Variants in AKAP13 observed in about 807,000 individuals in gnomAD.
The protein encoded by AKAP13 is A-kinase anchor protein 13.
Under a neutral mutation model 264.5 loss-of-function variants are expected in AKAP13, and 80 were observed. The ratio of observed to expected loss-of-function variants is 0.30; its 90% CI spans 0.25 to 0.36. AKAP13 has a LOEUF of 0.36. Among genes scored for constraint, AKAP13 ranks in the 10% least tolerant of loss-of-function variants. The pLI is 1.00. For missense variants in AKAP13, 3,712 were observed against 3,435.2 expected, an observed-to-expected ratio of 1.08 and a Z score of -2.01; for synonymous variants, 1,380 against 1,250.2, an observed-to-expected ratio of 1.10 and a Z score of -2.19.
At chr15:85,429,752 G>A (rs891703945) in intron 1 of AKAP13, among the ~76,000 whole-genome samples, 11 of 152,196 alleles carry the variant, frequency 7.2e-5, no homozygotes, top group Admixed American at 2.6e-4. Context: ...ATATCCTGGC[G>A]AGATTTTAAT....
At chr15:85,401,034 A>G (rs936495383) in intron 1 of AKAP13, among the ~76,000 whole-genome samples, 4 of 151,774 alleles carry the variant, frequency 2.6e-5, no homozygotes, top group Non-Finnish European at 4.4e-5. Flanking sequence ...GCTTATTTTC[A>G]TATTTTTATT....
chr15:85,619,678 G>GT (rs1567158869), intron 8 of AKAP13: 2 of 989,630 alleles, frequency 2.0e-6, no homozygotes, highest in Non-Finnish European at 2.4e-6. Context: ...GCCTTCTTGG[G>GT]TTTTTTTCCC....
chr15:85,442,172 G>T (rs538867767), intron 1 of AKAP13, among the ~76,000 whole-genome samples: 15 of 151,874 alleles, frequency 9.9e-5, no homozygotes, highest in African/African-American at 3.1e-4. Context: ...AGCGCTTTGG[G>T]AGGCTGAGGT....
chr15:85,743,526 C>G lies in AKAP13; in HGVS notation c.8093C>G (p.Pro2698Arg). 1 of 1,614,194 alleles carries G rather than the reference C, an allele frequency of 6.2e-7. No homozygotes were observed. The highest frequency in any genetic ancestry group is 8.5e-7 in the Non-Finnish European group (1 of 1,180,034). Residue 2698 changes from proline (P) to arginine (R), a missense_variant, in exon 36 of 37, where the codon CCA becomes CGA. Physicochemically the swap from Pro to Arg is moderately radical, Grantham distance 103. Coordinates refer to ENST00000394518, the MANE Select transcript of AKAP13 (RefSeq NM_007200.5). Reference sequence around the variant, plus strand: ...CCACATACCAAGCTGATGAGGATCCCATCGTTCTTCCCCAGTCCTGAGGAG... The same window carrying G: ...CCACATACCAAGCTGATGAGGATCCGATCGTTCTTCCCCAGTCCTGAGGAG... ...SHPHTKLMRI[P>R]SFFPSPEEPP...
intron 2 of AKAP13, among the ~76,000 whole-genome samples, chr15:85,499,545 G>A (rs2075983567): frequency 6.6e-6 from 1 of 152,154 alleles, no homozygotes; most frequent in Non-Finnish European, 1.5e-5. Context: ...TGGATCCCGT[G>A]CTGAGTCATT....
intron 5 of AKAP13, among the ~76,000 whole-genome samples, chr15:85,559,835 GT>G (rs1343143204): frequency 6.6e-6 from 1 of 152,140 alleles, no homozygotes; most frequent in Admixed American, 6.5e-5. Context: ...ACTGGTACTG[GT>G]TTGTGGCATG....
intron 1 of AKAP13, among the ~76,000 whole-genome samples, chr15:85,455,174 G>A (rs1596235282): frequency 6.6e-6 from 1 of 152,028 alleles, no homozygotes; most frequent in East Asian, 1.9e-4. Flanking sequence ...ATGTATTAAT[G>A]TTCTTAGTGA....
At position 85,743,617 on chromosome 15, in the gene AKAP13, C is replaced by T. The variant is rs148682370; in HGVS notation, c.8184C>T (p.Ser2728=). The T allele has an allele frequency of 1.5e-4, 246 of 1,613,962 alleles. No homozygotes were observed. Among genetic ancestry groups the T allele is most frequent in the Non-Finnish European group, 2.0e-5 (24 of 1,180,014 alleles). The change falls in exon 36 of 37, where the codon TCC becomes TCT. Residue 2728 remains serine, a synonymous_variant. Transcript: ENST00000394518. ...CATTGGACTCAGAACTTTCAGTGTC[C>T]CCAAAAAGGAACAGCATCTCTCGGA... The part of the protein sequence containing the change: ...SGSLDSELSV[S]PKRNSISRTH...
chr15:85,495,064 A>T (rs1409695011), intron 2 of AKAP13, among the ~76,000 whole-genome samples: 1 of 152,162 alleles, frequency 6.6e-6, no homozygotes, highest in African/African-American at 2.4e-5. Context: ...GTGTTTTGTG[A>T]CTTTTGATAT....
intron 12 of AKAP13, among the ~76,000 whole-genome samples, chr15:85,663,237 G>C (rs1039177525): frequency 2.4e-4 from 36 of 151,656 alleles, no homozygotes; most frequent in Admixed American, 1.7e-3. Context: ...TTGAATCCGG[G>C]AGATGGAGGT....
chr15:85,617,600 G>A (rs1359230702), intron 8 of AKAP13, among the ~76,000 whole-genome samples: 1 of 152,198 alleles, frequency 6.6e-6, no homozygotes, highest in Non-Finnish European at 1.5e-5. Context: ...AGATGCCTGG[G>A]AACCTTGGAA....
At chr15:85,447,440 G>C in intron 1 of AKAP13, among the ~76,000 whole-genome samples, 1 of 152,100 alleles carries the variant, frequency 6.6e-6, no homozygotes, top group East Asian at 1.9e-4. Flanking sequence ...CACATGTCAC[G>C]GGTGTTTGTT....
intron 8 of AKAP13, among the ~76,000 whole-genome samples, chr15:85,602,962 C>CT (rs1216274564): frequency 6.6e-6 from 1 of 152,160 alleles, no homozygotes; most frequent in Non-Finnish European, 1.5e-5. Flanking sequence ...TCAGAAATGT[C>CT]TTTAAGTATT....
intron 8 of AKAP13, among the ~76,000 whole-genome samples, chr15:85,636,359 C>T (rs1473134990): frequency 6.6e-6 from 1 of 152,136 alleles, no homozygotes; most frequent in East Asian, 1.9e-4. Flanking sequence ...TTTACTTCTT[C>T]CTTTCCAATG....
At chr15:85,444,987 C>T (rs1596201856) in intron 1 of AKAP13, among the ~76,000 whole-genome samples, 2 of 152,050 alleles carry the variant, frequency 1.3e-5, no homozygotes. Context: ...GTTGCTTTTC[C>T]ATTTACTGTA....
chr15:85,412,864 A>G (rs957741233), intron 1 of AKAP13, among the ~76,000 whole-genome samples: 4 of 152,238 alleles, frequency 2.6e-5, no homozygotes, highest in Non-Finnish European at 5.9e-5. Context: ...CTGACACTGC[A>G]CTGAACACCG....
chr15:85,387,569 C>T (rs2070637784), intron 1 of AKAP13, among the ~76,000 whole-genome samples: 5 of 152,158 alleles, frequency 3.3e-5, no homozygotes, highest in Admixed American at 1.3e-4. Flanking sequence ...AAGTGATCCT[C>T]CCACTGTGGC....
intron 3 of AKAP13, among the ~76,000 whole-genome samples, chr15:85,530,340 C>T (rs193267620): frequency 7.9e-4 from 120 of 152,264 alleles, no homozygotes; most frequent in African/African-American, 2.8e-3. Flanking sequence ...CACCATGGCT[C>T]TTTGCTGTGT....
intron 12 of AKAP13, among the ~76,000 whole-genome samples, chr15:85,660,227 C>A (rs1176951708): frequency 6.6e-6 from 1 of 151,928 alleles, no homozygotes; most frequent in Admixed American, 6.6e-5. Flanking sequence ...GTGGCATGCA[C>A]CTGTAATCCC....
Sources: allele counts gnomAD v4.1 joint callset (sites outside exome capture counted in the v4.1 genomes callset), GRCh38; gene constraint gnomAD v4.1.1; transcripts MANE v1.5; gene names NCBI Gene and HGNC (gene_info 2026-07-23, HGNC 2026-07-21).